The following NEBL variants were observed in gnomAD, a reference collection of about 807,000 sequenced individuals.
NEBL encodes nebulette, also known as LIM and SH3 protein 2.
In NEBL, 122 loss-of-function variants were observed where a neutral mutation model predicts 140.2. That is an observed-to-expected ratio of 0.87 (90% CI 0.75 to 1.01). The LOEUF is 1.01. NEBL is among the 50% of genes least tolerant of loss of function. NEBL has a pLI of 0.00. For missense variants in NEBL, 1,365 were observed against 1,231.3 expected (o/e 1.11, Z -1.62); for synonymous variants, 436 against 398.9 (o/e 1.09, Z -1.11).
intron 2 of NEBL, among the ~76,000 whole-genome samples, chr10:21,062,451 A>G (rs1835347070): frequency 6.6e-6 from 1 of 152,088 alleles, no homozygotes; most frequent in Non-Finnish European, 1.5e-5. Flanking sequence ...ACTTGAGCCC[A>G]GGAGTTTGAG....
At chr10:20,830,206 C>G (rs1002562526) in intron 16 of NEBL, among the ~76,000 whole-genome samples, 2 of 152,176 alleles carry the variant, frequency 1.3e-5, no homozygotes, top group Non-Finnish European at 2.9e-5. Flanking sequence ...AATGTCCTTG[C>G]TTATGTCTTA....
chr10:21,169,099 T>C (rs1224607126), intron 2 of NEBL, among the ~76,000 whole-genome samples: 1 of 120,052 alleles, frequency 8.3e-6, no homozygotes, highest in African/African-American at 3.0e-5. Context: ...TATATATATA[T>C]ATATATATTT....
At chr10:20,818,913 T>G (rs970224740) in intron 20 of NEBL, 2 of 976,908 alleles carry the variant, frequency 2.0e-6, no homozygotes, top group Middle Eastern at 5.2e-4. Flanking sequence ...TTTTAGATAG[T>G]TTTATTAAAT....
chr10:21,259,390 G>A (rs1842707787), intron 1 of NEBL, among the ~76,000 whole-genome samples: 1 of 152,124 alleles, frequency 6.6e-6, no homozygotes, highest in African/African-American at 2.4e-5. Flanking sequence ...GAGGAAGTGA[G>A]GGTGCAGCTA....
chr10:20,934,667 TGACTGCATGGAACAGA>T (rs1564450211), intron 4 of NEBL, among the ~76,000 whole-genome samples: 1 of 152,138 alleles, frequency 6.6e-6, no homozygotes, highest in East Asian at 1.9e-4. Flanking sequence ...GATCCCTGAA[TGACTGCATGGAACAGA>T]GCCCTTTTAA....
chr10:21,126,237 C>T (rs1564520284), intron 2 of NEBL: 2 of 1,015,538 alleles, frequency 2.0e-6, no homozygotes, highest in East Asian at 4.9e-5. Flanking sequence ...GTTTCAGAAC[C>T]AATCCATCTT....
chr10:21,131,016 G>A (rs1264576727), intron 2 of NEBL, among the ~76,000 whole-genome samples: 1 of 152,036 alleles, frequency 6.6e-6, no homozygotes, highest in East Asian at 1.9e-4. Context: ...GAAAAAAAGA[G>A]AGCAGACACA....
At chr10:21,070,869 A>C (rs1445617389) in intron 2 of NEBL, among the ~76,000 whole-genome samples, 1 of 152,194 alleles carries the variant, frequency 6.6e-6, no homozygotes, top group Non-Finnish European at 1.5e-5. Context: ...ACACATGAAC[A>C]AATCAACTTT....
chr10:20,907,744 G>A (rs1738822621), intron 4 of NEBL, among the ~76,000 whole-genome samples: 1 of 152,144 alleles, frequency 6.6e-6, no homozygotes, highest in Admixed American at 6.6e-5. Flanking sequence ...GTGTTCAACA[G>A]AAAAGACCTT....
chr10:21,029,072 G>C, intron 2 of NEBL: 1 of 1,085,468 alleles, frequency 9.2e-7, no homozygotes, highest in Non-Finnish European at 1.4e-6. Context: ...GCTGAGGACT[G>C]GGGGACTGGT....
At chr10:21,171,146 AC>A (rs1193677038) in intron 2 of NEBL, among the ~76,000 whole-genome samples, 1 of 151,998 alleles carries the variant, frequency 6.6e-6, no homozygotes, top group Admixed American at 6.6e-5. Context: ...GGCCAGCCTG[AC>A]CAACATGGAG....
At chr10:21,099,214 C>A (rs1589232545) in intron 2 of NEBL, among the ~76,000 whole-genome samples, 1 of 152,302 alleles carries the variant, frequency 6.6e-6, no homozygotes, top group East Asian at 1.9e-4. Context: ...TGACATGAAC[C>A]TACTGAGTAA....
intron 26 of NEBL, among the ~76,000 whole-genome samples, chr10:20,790,316 AT>A (rs1835843583): frequency 6.6e-6 from 1 of 151,970 alleles, no homozygotes; most frequent in Non-Finnish European, 1.5e-5. Flanking sequence ...TATAGGGGTT[AT>A]AAAAAAAATA....
At chr10:20,848,103 C>T (rs1429021840) in intron 11 of NEBL, among the ~76,000 whole-genome samples, 2 of 152,156 alleles carry the variant, frequency 1.3e-5, no homozygotes, top group Non-Finnish European at 2.9e-5. Context: ...GGGTCAGTGA[C>T]AATGGCCACA....
chr10:21,050,305 G>A (rs931963264), intron 2 of NEBL, among the ~76,000 whole-genome samples: 22 of 151,786 alleles, frequency 1.4e-4, no homozygotes, highest in Admixed American at 4.6e-4. Flanking sequence ...TTCTCAATTC[G>A]GTAATCTTTC....
At chr10:21,135,533 A>G (rs1839316828) in intron 2 of NEBL, among the ~76,000 whole-genome samples, 1 of 152,202 alleles carries the variant, frequency 6.6e-6, no homozygotes, top group South Asian at 2.1e-4. Context: ...CGCTGCCAAC[A>G]ATCAGCCTCC....
chr10:21,194,217 C>T (rs956457167), intron 3 of NEBL, among the ~76,000 whole-genome samples: 3 of 152,052 alleles, frequency 2.0e-5, no homozygotes, highest in African/African-American at 7.2e-5. Flanking sequence ...AGTGATACTT[C>T]CCCCTCAGCT....
At chr10:20,824,645 C>A (rs1208941342) in intron 18 of NEBL, among the ~76,000 whole-genome samples, 3 of 152,100 alleles carry the variant, frequency 2.0e-5, no homozygotes, top group Non-Finnish European at 2.9e-5. Flanking sequence ...TATGGCCCAA[C>A]CTCATGCAGA....
At chr10:21,085,741 TTAAAG>T (rs149287609) in intron 2 of NEBL, among the ~76,000 whole-genome samples, 2,313 of 152,268 alleles carry the variant, frequency 0.015, 49 homozygotes, top group African/African-American at 0.046. Context: ...TGTATATGTG[TTAAAG>T]TAAAGTTTTG....
Sources: gnomAD v4.1 joint callset for allele counts (sites outside exome capture counted in the v4.1 genomes callset) on GRCh38, gnomAD v4.1.1 for gene constraint, MANE v1.5 for transcripts, NCBI Gene and HGNC (gene_info 2026-07-23, HGNC 2026-07-21) for gene names.